AHCYL2: variants seen among roughly 807,000 people sequenced by gnomAD.
The protein encoded by AHCYL2 is adenosylhomocysteinase like 2.
Under a neutral mutation model 81.4 loss-of-function variants are expected in AHCYL2, and 28 were observed. That is an observed-to-expected ratio of 0.34 (90% CI 0.25 to 0.47). AHCYL2 has a LOEUF of 0.47. AHCYL2 is among the 20% of genes least tolerant of loss of function. The pLI is 1.00. For missense variants in AHCYL2, 551 were observed against 785.1 expected, an observed-to-expected ratio of 0.70 and a Z score of 3.56; for synonymous variants, 272 against 290.2, an observed-to-expected ratio of 0.94 and a Z score of 0.64.
intron 1 of AHCYL2, among the ~76,000 whole-genome samples, chr7:129,250,719 T>A (rs1374826478): frequency 2.0e-5 from 3 of 151,468 alleles, no homozygotes; most frequent in Non-Finnish European, 4.4e-5. Context: ...TAGTTTTGGC[T>A]GACTAAGGGA....
At chr7:129,389,827 G>C (rs1459695095) in intron 4 of AHCYL2, 93 bp downstream of exon 4, 2 of 1,008,022 alleles carry the variant, frequency 2.0e-6, no homozygotes, top group Admixed American at 5.9e-5. Flanking sequence ...CGAGTTAAGA[G>C]CTTAACAAGT....
At chr7:129,244,014 G>A (rs1025081780) in intron 1 of AHCYL2, among the ~76,000 whole-genome samples, 1 of 150,388 alleles carries the variant, frequency 6.6e-6, no homozygotes, top group East Asian at 2.0e-4. Flanking sequence ...TTTTTTTGGT[G>A]GGGGGACAGT....
intron 4 of AHCYL2, among the ~76,000 whole-genome samples, chr7:129,395,050 T>A (rs1270865276): frequency 2.6e-5 from 4 of 152,088 alleles, no homozygotes; most frequent in African/African-American, 9.6e-5. Flanking sequence ...AATTGAGTGG[T>A]AGTATATTAG....
intron 1 of AHCYL2, among the ~76,000 whole-genome samples, chr7:129,340,039 C>T (rs761274575): frequency 3.3e-5 from 5 of 150,912 alleles, no homozygotes; most frequent in Non-Finnish European, 5.9e-5. Flanking sequence ...CTGCCTCAGC[C>T]TCCCTAGCAG....
intron 2 of AHCYL2, 140 bp downstream of exon 2, chr7:129,379,889 A>C (rs1352064039): frequency 4.9e-6 from 3 of 612,672 alleles, no homozygotes; most frequent in Non-Finnish European, 8.0e-6. Flanking sequence ...TTTAGACTAA[A>C]ATGCTGGGTG....
intron 12 of AHCYL2, 52 bp from the exon 13 acceptor site, chr7:129,422,788 C>A: frequency 1.3e-6 from 2 of 1,538,224 alleles, no homozygotes; most frequent in Non-Finnish European, 1.8e-6. Flanking sequence ...TCTTTCTGTT[C>A]CCACAGTGGG....
intron 1 of AHCYL2, among the ~76,000 whole-genome samples, chr7:129,298,041 AT>A (rs1797114145): frequency 6.6e-6 from 1 of 152,190 alleles, no homozygotes; most frequent in Admixed American, 6.6e-5. Flanking sequence ...TAAACAAATC[AT>A]TACCTGCTGA....
At chr7:129,257,032 A>G (rs1055871960) in intron 1 of AHCYL2, among the ~76,000 whole-genome samples, 5 of 152,266 alleles carry the variant, frequency 3.3e-5, no homozygotes, top group Non-Finnish European at 7.4e-5. Flanking sequence ...AGGAGCCCCT[A>G]GAGTTGCAGA....
intron 3 of AHCYL2, 139 bp downstream of exon 3, chr7:129,389,338 C>T: frequency 1.1e-6 from 1 of 924,226 alleles, no homozygotes. Context: ...AATGTGAGTT[C>T]AAGAAACACT....
intron 1 of AHCYL2, among the ~76,000 whole-genome samples, chr7:129,367,715 C>A (rs917174505): frequency 1.3e-5 from 2 of 152,232 alleles, no homozygotes; most frequent in African/African-American, 4.8e-5. Context: ...ACCTGTGTGT[C>A]TGTAGCTGCG....
chr7:129,327,123 T>G (rs369505099), intron 1 of AHCYL2, among the ~76,000 whole-genome samples: 23 of 152,320 alleles, frequency 1.5e-4, no homozygotes, highest in Middle Eastern at 6.8e-3. Flanking sequence ...GTTGAAGCCC[T>G]AATTCCCAGT....
chr7:129,347,795 C>T (rs749057761), intron 1 of AHCYL2, among the ~76,000 whole-genome samples: 48 of 152,066 alleles, frequency 3.2e-4, no homozygotes, highest in Non-Finnish European at 4.9e-4. Context: ...AATTAAAAGG[C>T]GTTTATTTCA....
intron 1 of AHCYL2, among the ~76,000 whole-genome samples, chr7:129,369,248 A>G (rs1349633296): frequency 6.6e-6 from 1 of 152,188 alleles, no homozygotes; most frequent in East Asian, 1.9e-4. Context: ...ATGTTTCTAA[A>G]TAGTTTCTTC....
chr7:129,278,405 G>GT (rs1796301201), intron 1 of AHCYL2, among the ~76,000 whole-genome samples: 1 of 151,812 alleles, frequency 6.6e-6, no homozygotes, highest in Non-Finnish European at 1.5e-5. Context: ...TAATTGGGTT[G>GT]TTTATTTTCT....
At chr7:129,377,487 G>T in intron 1 of AHCYL2, 1 of 454,992 alleles carries the variant, frequency 2.2e-6, no homozygotes, top group Non-Finnish European at 4.4e-6. Flanking sequence ...TTTCAATTTG[G>T]CATTGGTCCC....
chr7:129,339,399 A>G (rs1249352905), intron 1 of AHCYL2, among the ~76,000 whole-genome samples: 4 of 152,218 alleles, frequency 2.6e-5, no homozygotes. Flanking sequence ...TATGAAAAGT[A>G]TATACAAAGA....
intron 1 of AHCYL2, among the ~76,000 whole-genome samples, chr7:129,350,935 C>T (rs185168047): frequency 9.9e-5 from 15 of 151,654 alleles, no homozygotes; most frequent in Non-Finnish European, 2.9e-5. Context: ...AACTTCTGAC[C>T]TCAGGTGATC....
At chr7:129,276,094 A>G (rs567425683) in intron 1 of AHCYL2, among the ~76,000 whole-genome samples, 38 of 152,276 alleles carry the variant, frequency 2.5e-4, no homozygotes, top group Middle Eastern at 3.4e-3. Context: ...AATTTTATAT[A>G]TTTGGAAATT....
intron 4 of AHCYL2, 28 bp from the exon 5 acceptor site, chr7:129,397,194 C>CT: frequency 6.3e-7 from 1 of 1,598,430 alleles, no homozygotes; most frequent in African/African-American, 1.3e-5. Flanking sequence ...CCCAGGCTTG[C>CT]TCATACCCTG....
Sources: allele counts gnomAD v4.1 joint callset (sites outside exome capture counted in the v4.1 genomes callset), GRCh38; gene constraint gnomAD v4.1.1; transcripts MANE v1.5; gene names NCBI Gene and HGNC (gene_info 2026-07-23, HGNC 2026-07-21).